RALGAPA1: variants seen among roughly 807,000 people sequenced by gnomAD.
The protein encoded by RALGAPA1 is ral GTPase-activating protein subunit alpha-1.
A neutral mutation model predicts 269.6 loss-of-function variants in RALGAPA1; 52 were observed. That is an observed-to-expected ratio of 0.19 (90% confidence interval 0.15 to 0.24). The LOEUF (loss-of-function observed/expected upper bound fraction) is 0.24. RALGAPA1 is among the 10% of genes least tolerant of loss of function. The pLI, the probability that RALGAPA1 is intolerant of heterozygous loss-of-function variation, is 1.00. For synonymous variants in RALGAPA1, 817 were observed against 1,008.3 expected (o/e 0.81, Z 3.60); for missense variants, 1,917 against 3,013.9 (o/e 0.64, Z 8.52).
chr14:35,755,551 T>C (rs1325563650), intron 7 of RALGAPA1, among the ~76,000 whole-genome samples: 1 of 142,234 alleles, frequency 7.0e-6, no homozygotes, highest in African/African-American at 2.9e-5. Flanking sequence ...AAAATCTATA[T>C]GAAGTACAAA....
chr14:35,756,870 G>C lies in RALGAPA1; in HGVS notation c.586C>G (p.Pro196Ala), dbSNP rs771625198. ...TCTTGCCCTTTATCTCCTGATTGTG[G>C]GGGGACAAGAGGAGTGATTTCTTCT... ...TIEEITPLVP[P>A]QSGDKGQEDL... The change falls in exon 7 of 42, where the codon CCA becomes GCA. Residue 196 changes from proline to alanine, a missense_variant. Coordinates refer to ENST00000680220, the MANE Select transcript of RALGAPA1 (RefSeq NM_001346249.2). 1 of 1,611,084 alleles carries C rather than the reference G, an allele frequency of 6.2e-7. No homozygotes were observed. Among genetic ancestry groups the C allele is most frequent in the Non-Finnish European group, 8.5e-7 (1 of 1,178,566 alleles).
chr14:35,583,613 C>T (rs1245742515), intron 37 of RALGAPA1, among the ~76,000 whole-genome samples: 1 of 152,162 alleles, frequency 6.6e-6, no homozygotes, highest in Non-Finnish European at 1.5e-5. Context: ...GCTCAGTGAA[C>T]ACCACGCAGG....
intron 38 of RALGAPA1, among the ~76,000 whole-genome samples, chr14:35,571,777 A>G (rs2057223236): frequency 2.0e-5 from 3 of 152,118 alleles, no homozygotes; most frequent in Admixed American, 2.0e-4. Flanking sequence ...CAAAACCGAA[A>G]TATTCTTAGC....
At chr14:35,772,219 AT>A (rs888772228) in intron 3 of RALGAPA1, among the ~76,000 whole-genome samples, 3 of 151,796 alleles carry the variant, frequency 2.0e-5, no homozygotes, top group Non-Finnish European at 4.4e-5. Flanking sequence ...GCCCAGCTAA[AT>A]TTTTTTTACT....
chr14:35,654,107 G>C (rs2063021453), intron 30 of RALGAPA1, among the ~76,000 whole-genome samples: 1 of 152,106 alleles, frequency 6.6e-6, no homozygotes, highest in South Asian at 2.1e-4. Context: ...CAAAGTGCCT[G>C]GATTACAGGC....
intron 1 of RALGAPA1, 129 bp downstream of exon 1, chr14:35,808,594 CTCCCGCG>C: frequency 1.2e-6 from 1 of 859,668 alleles, no homozygotes; most frequent in Non-Finnish European, 1.8e-6. Context: ...ATTATTCACC[CTCCCGCG>C]TCTCCGCAGA....
intron 39 of RALGAPA1, among the ~76,000 whole-genome samples, chr14:35,564,883 T>C (rs2056567536): frequency 6.6e-6 from 1 of 152,168 alleles, no homozygotes. Context: ...CCTGATCTTC[T>C]TACTCCAAAG....
Position 35,582,511 on chromosome 14 carries a change from G to C in RALGAPA1, c.7210-9793C>G, listed in dbSNP as rs556920857. On this transcript the variant is annotated intron_variant, in intron 37 of 41. Coordinates refer to ENST00000680220, the MANE Select transcript of RALGAPA1 (RefSeq NM_001346249.2). ...TGGAGAGAGACAGATAATTACAGCT[G>C]ACTGATGGAATCTAGTGCCAGTGTA... Among the ~76,000 whole-genome samples the C allele has an allele frequency of 2.6e-5, 4 of 152,258 alleles. 1 individual carries two copies. The highest frequency in any genetic ancestry group is 9.6e-5 in the African/African-American group (4 of 41,554).
chr14:35,628,890 A>G (rs1299120802), intron 33 of RALGAPA1, among the ~76,000 whole-genome samples: 1 of 152,224 alleles, frequency 6.6e-6, no homozygotes, highest in Non-Finnish European at 1.5e-5. Context: ...TAACTAAAAA[A>G]ATCATAGGAA....
chr14:35,609,077 T>G (rs536874770), intron 35 of RALGAPA1, among the ~76,000 whole-genome samples: 2 of 151,888 alleles, frequency 1.3e-5, no homozygotes, highest in South Asian at 4.2e-4. Flanking sequence ...ATACAAAAAA[T>G]TAGCCAGGCG....
At chr14:35,708,967 C>G (rs2068046859) in intron 16 of RALGAPA1, among the ~76,000 whole-genome samples, 4 of 151,968 alleles carry the variant, frequency 2.6e-5, no homozygotes, top group Admixed American at 6.6e-5. Context: ...CAAAATAAGC[C>G]AGGCACAGAA....
At chr14:35,651,910 T>C in intron 30 of RALGAPA1, 37 bp from the exon 31 acceptor site, 1 of 1,514,748 alleles carries the variant, frequency 6.6e-7, no homozygotes, top group Non-Finnish European at 9.0e-7. Flanking sequence ...AAGCTCTATA[T>C]ATGTCAAATT....
chr14:35,678,454 A>T (rs1361199864), intron 21 of RALGAPA1, among the ~76,000 whole-genome samples: 1 of 152,178 alleles, frequency 6.6e-6, no homozygotes, highest in Non-Finnish European at 1.5e-5. Context: ...GCAATTTAAG[A>T]ACTGAGGCAC....
chr14:35,733,989 C>T (rs1235330926), intron 12 of RALGAPA1, among the ~76,000 whole-genome samples: 1 of 151,842 alleles, frequency 6.6e-6, no homozygotes, highest in Non-Finnish European at 1.5e-5. Context: ...TAGGAATATA[C>T]CTAACCAAGG....
At chr14:35,772,887 T>C (rs1249156495) in intron 3 of RALGAPA1, among the ~76,000 whole-genome samples, 2 of 152,160 alleles carry the variant, frequency 1.3e-5, no homozygotes, top group African/African-American at 2.4e-5. Flanking sequence ...TGTCTTCTCG[T>C]TGATATCATC....
intron 39 of RALGAPA1, among the ~76,000 whole-genome samples, chr14:35,556,411 C>T (rs2055609553): frequency 6.6e-6 from 1 of 152,054 alleles, no homozygotes; most frequent in South Asian, 2.1e-4. Flanking sequence ...CATTTCTTTC[C>T]TACTGTAACT....
chr14:35,658,473 G>A (rs2063340287), intron 28 of RALGAPA1, among the ~76,000 whole-genome samples: 1 of 152,048 alleles, frequency 6.6e-6, no homozygotes, highest in South Asian at 2.1e-4. Flanking sequence ...GACCAATATT[G>A]TAGCAAATGA....
chr14:35,674,498 C>A lies in RALGAPA1; in HGVS notation c.4818+18G>T. The A allele has an allele frequency of 1.3e-6, 2 of 1,586,396 alleles. No individual in the cohort carries two copies. Among genetic ancestry groups the A allele is most frequent in the Non-Finnish European group, 1.7e-6 (2 of 1,164,500 alleles). On this transcript the variant is annotated intron_variant, in intron 23 of 41. Coordinates refer to ENST00000680220, the MANE Select transcript of RALGAPA1 (RefSeq NM_001346249.2). ...TTTTTATTTTCTTCTCCACTTATATCCGCTATTTCTTTTTTACCTTAGCTA... is the reference window on the plus strand; with the variant it reads ...TTTTTATTTTCTTCTCCACTTATATACGCTATTTCTTTTTTACCTTAGCTA...
chr14:35,551,081 C>T (rs774942753), intron 39 of RALGAPA1, among the ~76,000 whole-genome samples: 6 of 152,108 alleles, frequency 3.9e-5, no homozygotes, highest in African/African-American at 1.4e-4. Context: ...TAATAGAGTC[C>T]TTTGATTCAC....
Sources: allele counts gnomAD v4.1 joint callset (sites outside exome capture counted in the v4.1 genomes callset), GRCh38; gene constraint gnomAD v4.1.1; transcripts MANE v1.5; gene names NCBI Gene and HGNC (gene_info 2026-07-23, HGNC 2026-07-21).